The following MMD variants were observed in gnomAD, a reference collection of about 807,000 sequenced individuals.
MMD encodes monocyte to macrophage differentiation associated.
A neutral mutation model predicts 33.6 loss-of-function variants in MMD; 22 were observed. The ratio of observed to expected loss-of-function variants is 0.66; its 90% CI spans 0.47 to 0.94. MMD has a LOEUF of 0.94. Among genes scored for constraint, MMD ranks in the 40% least tolerant of loss-of-function variants. The pLI is 0.00. For missense variants in MMD, 242 were observed against 309.8 expected, an observed-to-expected ratio of 0.78 and a Z score of 1.64; for synonymous variants, 97 against 103.2, an observed-to-expected ratio of 0.94 and a Z score of 0.36.
intron 1 of MMD, among the ~76,000 whole-genome samples, 183 bp from the exon 2 acceptor site, chr17:55,414,415 A>C (rs1368459939): frequency 3.9e-5 from 6 of 152,148 alleles, no homozygotes; most frequent in African/African-American, 7.2e-5. Flanking sequence ...ATGATCCTTA[A>C]GCAAATACCC....
intron 2 of MMD, among the ~76,000 whole-genome samples, chr17:55,412,433 A>G (rs1425237609): frequency 6.6e-6 from 1 of 152,208 alleles, no homozygotes; most frequent in East Asian, 1.9e-4. Context: ...TTTCTGCATC[A>G]TATTTCATAG....
intron 1 of MMD, among the ~76,000 whole-genome samples, chr17:55,415,295 C>T (rs1196459976): frequency 1.3e-5 from 2 of 151,528 alleles, no homozygotes; most frequent in Non-Finnish European, 2.9e-5. Flanking sequence ...AAAAAAATTT[C>T]AACAGCATTC....
chr17:55,409,758 C>G (rs1907690266), intron 3 of MMD, among the ~76,000 whole-genome samples: 1 of 152,238 alleles, frequency 6.6e-6, no homozygotes. Flanking sequence ...ACCCAGAATA[C>G]TGAAGTAGGT....
At chr17:55,416,211 C>T (rs1342036575) in intron 1 of MMD, among the ~76,000 whole-genome samples, 1 of 152,162 alleles carries the variant, frequency 6.6e-6, no homozygotes, top group Admixed American at 6.5e-5. Flanking sequence ...TGTCTACCCA[C>T]CACCAGGCTG....
intron 6 of MMD, among the ~76,000 whole-genome samples, chr17:55,398,592 T>C (rs150746911): frequency 1.2e-3 from 188 of 152,268 alleles, no homozygotes; most frequent in African/African-American, 1.9e-3. Context: ...TATTTACTTA[T>C]GGTACATGCT....
intron 5 of MMD, 124 bp from the exon 6 acceptor site, chr17:55,401,662 C>CT: frequency 1.4e-6 from 1 of 736,186 alleles, no homozygotes; most frequent in Non-Finnish European, 2.1e-6. Context: ...TCAAATAAAA[C>CT]TTTATTTCTC....
chr17:55,401,465 T>C lies in MMD; in HGVS notation c.516+4A>G, dbSNP rs577256975. 9 of 1,602,734 alleles carry C rather than the reference T, an allele frequency of 5.6e-6. 1 individual carries two copies. The African/African-American group carries it at 1.2e-4, about 22-fold the overall frequency. On this transcript the variant is annotated splice_donor_region_variant and intron_variant, in intron 6 of 6. Coordinates refer to ENST00000262065, the MANE Select transcript of MMD (RefSeq NM_012329.3). The stretch of plus-strand genomic sequence containing the variant: ...ATAACTAAAATTCTGAAGCCATGTC[T>C]TACCATTGATGTCACCACCAAGGCT...
intron 4 of MMD, chr17:55,404,822 G>A: frequency 1.2e-5 from 11 of 931,490 alleles, no homozygotes; most frequent in Non-Finnish European, 1.4e-5. Flanking sequence ...AGAACTTTGG[G>A]AGGCCAAGGC....
At chr17:55,404,121 G>A (rs1294427695) in intron 4 of MMD, among the ~76,000 whole-genome samples, 1 of 152,120 alleles carries the variant, frequency 6.6e-6, no homozygotes, top group East Asian at 1.9e-4. Flanking sequence ...TTGGGAGGCC[G>A]AGGCAGACGG....
intron 6 of MMD, among the ~76,000 whole-genome samples, chr17:55,397,362 T>C (rs958386020): frequency 1.3e-5 from 2 of 152,080 alleles, no homozygotes; most frequent in Non-Finnish European, 2.9e-5. Context: ...GGTTTTGCCA[T>C]GTCGGCTAGG....
In MMD at chr17:55,394,422, A is replaced by G. The variant is rs1431706859; in HGVS notation, c.629T>C (p.Leu210Pro). ...IIPFAHAIWHLFVATAAAVHY... is the reference protein window; with the variant it reads ...IIPFAHAIWHPFVATAAAVHY... ...CACTGCAGCTGCCGTGGCCACAAAC[A>G]GGTGCCAGATGGCGTGGGCAAATGG... is the stretch of plus-strand genomic sequence containing the variant. The change falls in exon 7 of 7, where the codon CTG becomes CCG. Residue 210 changes from leucine to proline, a missense_variant. Transcript: ENST00000262065. 4 of 1,514,852 alleles carry G rather than the reference A, an allele frequency of 2.6e-6. No homozygotes were observed. Among genetic ancestry groups the G allele is most frequent in the Non-Finnish European group, 3.5e-6 (4 of 1,137,026 alleles). The allele number at this position is 1,514,852 out of a possible 1,614,324, so 93.8% of individuals were successfully genotyped here.
chr17:55,404,599 C>T, intron 4 of MMD: 1 of 985,364 alleles, frequency 1.0e-6, no homozygotes, highest in Non-Finnish European at 1.2e-6. Context: ...ATACCTAATA[C>T]ACAAACCAAG....
At chr17:55,420,404 A>G (rs4630612) in intron 1 of MMD, 105,854 of 151,954 alleles carry the variant, frequency 0.7, 37,311 homozygotes, top group East Asian at 0.86. Context: ...AACAGTGCCA[A>G]GCATTCAACA....
chr17:55,411,473 T>C, intron 2 of MMD, 56 bp from the exon 3 acceptor site: 2 of 1,519,906 alleles, frequency 1.3e-6, no homozygotes, highest in Middle Eastern at 1.8e-4. Flanking sequence ...TGGAATTGAG[T>C]CTTTTACTAA....
In MMD at chr17:55,401,886, A is replaced by G. The variant is rs550377374; in HGVS notation, c.447-348T>C. ...CAGGAGATCGAGACCATCCTGATTA[A>G]CACGGTGAAACCCGTCCCTACTAAA... On this transcript the variant is annotated intron_variant, in intron 5 of 6. Transcript: ENST00000262065. 8.5e-5 allele frequency among the ~76,000 whole-genome samples: 13 copies of G among 152,222 alleles called. No individual in the cohort carries two copies. In the East Asian group the frequency reaches 2.3e-3, roughly 27 times the overall value.
chr17:55,412,344 A>C (rs1237939576), intron 2 of MMD, among the ~76,000 whole-genome samples: 1 of 152,174 alleles, frequency 6.6e-6, no homozygotes, highest in African/African-American at 2.4e-5. Flanking sequence ...TTTTTAACAG[A>C]GCCTTTTAAG....
intron 1 of MMD, among the ~76,000 whole-genome samples, chr17:55,418,364 A>T (rs1908050933): frequency 6.6e-6 from 1 of 152,246 alleles, no homozygotes; most frequent in Non-Finnish European, 1.5e-5. Flanking sequence ...ATAATTGTTG[A>T]ATGAATAGAA....
At position 55,394,493 on chromosome 17, in the gene MMD, T is replaced by C. The variant is rs1266772437; in HGVS notation, c.558A>G (p.Leu186=). Reference sequence around the variant, plus strand: ...AGAACACAACTCCCAAGCAATAAATTAAGCCCCCACAGGCAAGTTCCTGAA... The same window carrying C: ...AGAACACAACTCCCAAGCAATAAATCAAGCCCCCACAGGCAAGTTCCTGAA... The part of the protein sequence containing the change: ...DGLQELACGG[L]IYCLGVVFFK... The change falls in exon 7 of 7, where the codon TTA becomes TTG. Residue 186 remains leucine (L), a synonymous_variant. Coordinates refer to ENST00000262065, the MANE Select transcript of MMD (RefSeq NM_012329.3). 7.8e-6 allele frequency: 12 copies of C among 1,532,366 alleles called. No individual in the cohort carries two copies. Among genetic ancestry groups the C allele is most frequent in the Non-Finnish European group, 1.0e-5 (12 of 1,144,152 alleles). The allele number at this position is 1,532,366 out of a possible 1,614,324, so 94.9% of individuals were successfully genotyped here. A position where few individuals can be genotyped will look rare whatever the true frequency, so the allele number is the denominator to read the frequency against.
At chr17:55,408,871 C>T (rs1907654537) in intron 3 of MMD, among the ~76,000 whole-genome samples, 1 of 152,008 alleles carries the variant, frequency 6.6e-6, no homozygotes, top group Non-Finnish European at 1.5e-5. Flanking sequence ...TGTGGTGGCG[C>T]ACGCCTGTAG....
Sources: allele counts gnomAD v4.1 joint callset (sites outside exome capture counted in the v4.1 genomes callset), GRCh38; gene constraint gnomAD v4.1.1; transcripts MANE v1.5; gene names NCBI Gene and HGNC (gene_info 2026-07-23, HGNC 2026-07-21).